NACC1: variants seen among roughly 807,000 people sequenced by gnomAD.
The protein encoded by NACC1 is nucleus accumbens associated 1.
NACC1 carries 6 observed loss-of-function variants against 41.7 expected under a neutral mutation model. The observed-to-expected ratio is 0.14, with a 90% CI of 0.08 to 0.28. The LOEUF (loss-of-function observed/expected upper bound fraction) is 0.28. NACC1 is among the 10% of genes least tolerant of loss of function. The probability of loss-of-function intolerance (pLI) is 1.00; values close to 1 mark genes in which losing one functional copy is unlikely to be tolerated. For missense variants in NACC1, 434 were observed against 763.7 expected (o/e 0.57, Z 5.09); for synonymous variants, 338 against 330.6 (o/e 1.02, Z -0.24).
At chr19:13,127,551 C>T (rs2019581445) in intron 1 of NACC1, among the ~76,000 whole-genome samples, 1 of 151,262 alleles carries the variant, frequency 6.6e-6, no homozygotes, top group South Asian at 2.1e-4. Flanking sequence ...ATTAGCCAGG[C>T]ATGGTGGTGG....
Position 13,135,964 on chromosome 19 carries a change from G to T in NACC1, c.757G>T (p.Val253Leu), listed in dbSNP as rs767303163. ...TGGGGTGGCAGCAGCAGGGGGTGTG[G>T]TGAGTGGGCCCAGCACGTCGGAGCG... ...AGGVAAAGGV[V>L]SGPSTSERTS... Residue 253 changes from valine to leucine, a missense_variant, in exon 2 of 6, where the codon GTG becomes TTG. Val to Leu is a conservative substitution (Grantham distance 32, BLOSUM62 1). Transcript: ENST00000292431. 1 of 1,605,568 alleles carries T rather than the reference G, an allele frequency of 6.2e-7. No individual in the cohort carries two copies. The highest frequency in any genetic ancestry group is 1.1e-5 in the South Asian group (1 of 89,826).
In NACC1 at chr19:13,135,465, C is replaced by T. The variant is rs1599998016; in HGVS notation, c.258C>T (p.Tyr86=). The stretch of plus-strand genomic sequence containing the variant: ...TCCAGCAGATCCTCAGCTTCTGCTA[C>T]ACGGGCCGGCTGAGCATGAACGTGG... ...QSFQQILSFC[Y]TGRLSMNVGD... Residue 86 remains tyrosine (Y), a synonymous_variant, in exon 2 of 6, where the codon TAC becomes TAT. Coordinates refer to ENST00000292431, the MANE Select transcript of NACC1 (RefSeq NM_052876.4). 4 of 1,613,484 alleles carry T rather than the reference C, an allele frequency of 2.5e-6. No individual in the cohort carries two copies. The highest frequency in any genetic ancestry group is 3.4e-6 in the Non-Finnish European group (4 of 1,179,824).
rs79780801 is a variant in NACC1 at position 13,120,022 on chromosome 19, T to C, written c.-9+1568T>C. Among the ~76,000 whole-genome samples, 6 of 152,324 alleles carry C rather than the reference T, an allele frequency of 3.9e-5. No homozygotes were observed. The East Asian group carries it at 1.2e-3, about 29-fold the overall frequency. On this transcript the variant is annotated intron_variant, in intron 1 of 5. Transcript: ENST00000292431. The stretch of plus-strand genomic sequence containing the variant: ...TCAAGTGGCCTTCCAGGAGGGTGAC[T>C]GAAGGAGCTCCTCGTTCTGGATTCC...
chr19:13,118,708 C>G (rs2019443262), intron 1 of NACC1, among the ~76,000 whole-genome samples: 1 of 150,380 alleles, frequency 6.6e-6, no homozygotes, highest in Non-Finnish European at 1.5e-5. Flanking sequence ...GGGAGGGGGC[C>G]AGGTCGGGCC....
At chr19:13,127,370 A>ATTTTTTTTTTT (rs1491187460) in intron 1 of NACC1, among the ~76,000 whole-genome samples, 4 of 44,818 alleles carry the variant, frequency 8.9e-5, no homozygotes, top group African/African-American at 3.4e-4. Context: ...ATATACATAT[A>ATTTTTTTTTTT]CTTTTTTTTT....
chr19:13,130,016 T>G (rs564534180), intron 1 of NACC1, among the ~76,000 whole-genome samples: 61 of 151,988 alleles, frequency 4.0e-4, no homozygotes, highest in African/African-American at 1.4e-3. Context: ...GTTTGTTTGG[T>G]TGGCTGGTTG....
chr19:13,133,009 G>A (rs1048134735), intron 1 of NACC1, among the ~76,000 whole-genome samples: 11 of 152,160 alleles, frequency 7.2e-5, no homozygotes, highest in African/African-American at 2.7e-4. Context: ...GGTGTTACCA[G>A]ATTAGGAGGA....
intron 1 of NACC1, among the ~76,000 whole-genome samples, chr19:13,118,685 C>T (rs2019442265): frequency 6.6e-6 from 1 of 150,950 alleles, no homozygotes; most frequent in South Asian, 2.1e-4. Context: ...ACCGCTCCCC[C>T]GTCTCCCAGC....
chr19:13,129,662 T>C (rs1189335093), intron 1 of NACC1, among the ~76,000 whole-genome samples: 2 of 152,224 alleles, frequency 1.3e-5, no homozygotes, highest in East Asian at 3.8e-4. Flanking sequence ...TTGGCTGAGC[T>C]ATTTGGACCA....
chr19:13,130,925 A>G lies in NACC1; in HGVS notation c.-8-4275A>G, dbSNP rs142403036. Reference sequence around the variant, plus strand: ...TGTAGGCCAGGACCCCACCTGTCCCATACCCTTCCTGGCAGCCCTGTCCCT... The same window carrying G: ...TGTAGGCCAGGACCCCACCTGTCCCGTACCCTTCCTGGCAGCCCTGTCCCT... On this transcript the variant is annotated intron_variant, in intron 1 of 5. Transcript: ENST00000292431. Among the ~76,000 whole-genome samples the G allele has an allele frequency of 2.3e-3, 353 of 152,234 alleles. 12 individuals carry two copies. In the East Asian group the frequency reaches 0.067, roughly 29 times the overall value.
In NACC1 at chr19:13,137,638, A is replaced by G; in HGVS notation, c.1324+63A>G. 1 of 1,398,376 alleles carries G rather than the reference A, an allele frequency of 7.2e-7. No individual in the cohort carries two copies. The allele number at this position is 1,398,376 out of a possible 1,614,324, so 86.6% of individuals were successfully genotyped here. A position where few individuals can be genotyped will look rare whatever the true frequency, so the allele number is the denominator to read the frequency against. On this transcript the variant is annotated intron_variant, in intron 5 of 5. Coordinates refer to ENST00000292431, the MANE Select transcript of NACC1 (RefSeq NM_052876.4). This position sits in a 1 kb window ranked among gnomAD's most constrained non-coding sequence, Gnocchi z 6.1. ...GGCACGCAGGTTGACGTTTTTTCCCAGCCTTGGCTCTCAGAGAGGGCTAGA... is the reference window on the plus strand; with the variant it reads ...GGCACGCAGGTTGACGTTTTTTCCCGGCCTTGGCTCTCAGAGAGGGCTAGA...
intron 1 of NACC1, among the ~76,000 whole-genome samples, chr19:13,132,999 G>A (rs1365754560): frequency 1.3e-5 from 2 of 152,150 alleles, no homozygotes; most frequent in Non-Finnish European, 2.9e-5. Context: ...AGACGGAACG[G>A]GTGTTACCAG....
rs1184437657 is a variant in NACC1 at position 13,137,035 on chromosome 19, T to G, written c.1121-236T>G. On this transcript the variant is annotated intron_variant, in intron 3 of 5. Transcript: ENST00000292431. This position sits in a 1 kb window ranked among gnomAD's most constrained non-coding sequence, Gnocchi z 6.1. ...CACACAGCAGGCACCCCGAGGATGG[T>G]GAAGCAACCCTTTCTGTCCTTTCCT... 6.6e-6 allele frequency among the ~76,000 whole-genome samples: 1 copy of G among 152,106 alleles called. No individual in the cohort carries two copies. The highest frequency in any genetic ancestry group is 2.4e-5 in the African/African-American group (1 of 41,434).
rs1013440673 is a variant in NACC1, at chr19:13,138,612, G to A, written c.*206G>A. 13 of 699,138 alleles carry A rather than the reference G, an allele frequency of 1.9e-5. No individual in the cohort carries two copies. The highest frequency in any genetic ancestry group is 3.8e-5 in the South Asian group (2 of 53,058). 43.3% of individuals were successfully genotyped at this position (699,138 alleles called of 1,614,324 possible). A position where few individuals can be genotyped will look rare whatever the true frequency, so the allele number is the denominator to read the frequency against. ...CCGCAGGGCAGGTGGCGTGAGGTCCGTGTTGCCTTCTTTAACACACACTCG... is the reference window on the plus strand; with the variant it reads ...CCGCAGGGCAGGTGGCGTGAGGTCCATGTTGCCTTCTTTAACACACACTCG... On this transcript the variant is annotated 3_prime_UTR_variant, in exon 6 of 6. Coordinates refer to ENST00000292431, the MANE Select transcript of NACC1 (RefSeq NM_052876.4). The surrounding 1 kb of genome is among the most constrained non-coding windows in gnomAD (Gnocchi z 5.7).
rs1297633831 is a variant in NACC1 at position 13,138,259 on chromosome 19, C to G, written c.1437C>G (p.Val479=). The G allele has an allele frequency of 6.2e-7, 1 of 1,614,224 alleles. No individual in the cohort carries two copies. The highest frequency in any genetic ancestry group is 8.5e-7 in the Non-Finnish European group (1 of 1,180,034). Residue 479 remains valine, a synonymous_variant, in exon 6 of 6, where the codon GTC becomes GTG. Transcript: ENST00000292431. The surrounding 1 kb of genome is among the most constrained non-coding windows in gnomAD (Gnocchi z 5.7). ...TGCGCAAGAGCTGGATGCCCAAGGT[C>G]AAGGTGCTCAAGGCTGAGGATGACG... ...RVVRKSWMPK[V]KVLKAEDDAY...
chr19:13,125,479 G>T (rs544897182), intron 1 of NACC1, among the ~76,000 whole-genome samples: 2 of 149,254 alleles, frequency 1.3e-5, no homozygotes, highest in African/African-American at 5.0e-5. Context: ...GGAGTGCAGT[G>T]GTGCGATCTT....
At chr19:13,129,670 C>T (rs1300875695) in intron 1 of NACC1, among the ~76,000 whole-genome samples, 1 of 152,280 alleles carries the variant, frequency 6.6e-6, no homozygotes, top group East Asian at 1.9e-4. Flanking sequence ...GCTATTTGGA[C>T]CAATTGCTAA....
chr19:13,129,164 A>G (rs948051825), intron 1 of NACC1, among the ~76,000 whole-genome samples: 2 of 152,118 alleles, frequency 1.3e-5, no homozygotes, highest in Non-Finnish European at 2.9e-5. Context: ...AGCTTGGGCA[A>G]AGGCCTCGCT....
chr19:13,135,492 C>T lies in NACC1; in HGVS notation c.285C>T (p.Gly95=), dbSNP rs143634134. 1.6e-5 allele frequency: 26 copies of T among 1,613,604 alleles called. No individual in the cohort carries two copies. The Middle Eastern group carries it at 4.9e-4, about 31-fold the overall frequency. ...CGGGCCGGCTGAGCATGAACGTGGG[C>T]GACCAGTTCCTGCTCATGTACACGG... ...CYTGRLSMNV[G]DQFLLMYTAG... is the part of the protein sequence containing the mutation. Residue 95 remains glycine (G), a synonymous_variant, in exon 2 of 6, where the codon GGC becomes GGT. Transcript: ENST00000292431.
Sources: allele counts gnomAD v4.1 joint callset (sites outside exome capture counted in the v4.1 genomes callset), GRCh38; gene constraint gnomAD v4.1.1; non-coding constraint Gnocchi (gnomAD v3.1); transcripts MANE v1.5; gene names NCBI Gene and HGNC (gene_info 2026-07-23, HGNC 2026-07-21).